Variants in PLCXD3 observed in about 807,000 individuals in gnomAD.
The protein encoded by PLCXD3 is phosphatidylinositol specific phospholipase C X domain containing 3.
PLCXD3 carries 19 observed loss-of-function variants against 25.5 expected under a neutral mutation model. The ratio of observed to expected loss-of-function variants is 0.75; its 90% CI spans 0.52 to 1.09. PLCXD3 has a LOEUF of 1.09. PLCXD3 is among the 50% of genes least tolerant of loss of function. PLCXD3 has a pLI of 0.00. For synonymous variants in PLCXD3, 174 were observed against 137.6 expected, an observed-to-expected ratio of 1.26 and a Z score of -1.85; for missense variants, 411 against 388.1, an observed-to-expected ratio of 1.06 and a Z score of -0.50.
rs1327409932 is a variant in PLCXD3 at position 41,398,016 on chromosome 5, T to A, written c.104-15482A>T. 2.0e-5 allele frequency among the ~76,000 whole-genome samples: 3 copies of A among 152,224 alleles called. No individual in the cohort carries two copies. In the East Asian group the frequency reaches 5.8e-4, roughly 29 times the overall value. On this transcript the variant is annotated intron_variant, in intron 1 of 2. Coordinates refer to ENST00000377801, the MANE Select transcript of PLCXD3 (RefSeq NM_001005473.3). ...TCATTGATGGAAGGGATTTACCTTG[T>A]CTCAGATGTGACTTTGGACTTGGAC...
At chr5:41,422,300 T>C (rs1746847743) in intron 1 of PLCXD3, among the ~76,000 whole-genome samples, 1 of 152,178 alleles carries the variant, frequency 6.6e-6, no homozygotes, top group African/African-American at 2.4e-5. Context: ...TGAAATCTCC[T>C]TGAGGAGCAT....
chr5:41,462,356 A>G (rs76981992), intron 1 of PLCXD3, among the ~76,000 whole-genome samples: 1,699 of 152,146 alleles, frequency 0.011, 28 homozygotes, highest in African/African-American at 0.038. Flanking sequence ...GTTTAAACGT[A>G]TTTGCAACAC....
At position 41,411,679 on chromosome 5, in the gene PLCXD3, A is replaced by G. The variant is rs542743107; in HGVS notation, c.104-29145T>C. Among the ~76,000 whole-genome samples the G allele has an allele frequency of 5.3e-5, 8 of 151,960 alleles. No homozygotes were observed. The South Asian group carries it at 1.7e-3, about 32-fold the overall frequency. ...TGATATTTGGTCTTATAAATCTTAC[A>G]TGGCATGCAAACATTCCCAAACTCC... On this transcript the variant is annotated intron_variant, in intron 1 of 2. Transcript: ENST00000377801.
intron 2 of PLCXD3, among the ~76,000 whole-genome samples, chr5:41,363,519 T>C (rs1744848452): frequency 6.6e-6 from 1 of 152,222 alleles, no homozygotes; most frequent in Admixed American, 6.5e-5. Flanking sequence ...TTCAGAATTA[T>C]TACCCATGGA....
At chr5:41,504,548 G>T (rs1580407036) in intron 1 of PLCXD3, among the ~76,000 whole-genome samples, 1 of 152,184 alleles carries the variant, frequency 6.6e-6, no homozygotes, top group African/African-American at 2.4e-5. Flanking sequence ...TCCACAATGG[G>T]TGACCAAGCT....
intron 1 of PLCXD3, among the ~76,000 whole-genome samples, chr5:41,488,034 A>G (rs1249618339): frequency 6.7e-6 from 1 of 148,726 alleles, no homozygotes; most frequent in Non-Finnish European, 1.5e-5. Flanking sequence ...GTCATTTAGC[A>G]TTAGGTATAT....
At chr5:41,392,586 G>T (rs763810148) in intron 1 of PLCXD3, among the ~76,000 whole-genome samples, 1 of 152,052 alleles carries the variant, frequency 6.6e-6, no homozygotes, top group Non-Finnish European at 1.5e-5. Flanking sequence ...TCCCAAAAAA[G>T]ATAGCTACAA....
chr5:41,447,286 G>T (rs896109326), intron 1 of PLCXD3, among the ~76,000 whole-genome samples: 1 of 151,816 alleles, frequency 6.6e-6, no homozygotes, highest in African/African-American at 2.4e-5. Context: ...TGTTAGCCAG[G>T]GTAAAAGACT....
chr5:41,381,892 A>C lies in PLCXD3; in HGVS notation c.746T>G (p.Leu249Arg). Residue 249 changes from leucine to arginine, a missense_variant, in exon 2 of 3, where the codon CTG (leucine) becomes CGG (arginine). Physicochemically the swap from Leu to Arg is moderately radical, Grantham distance 102 (BLOSUM62 -2). Coordinates refer to ENST00000377801, the MANE Select transcript of PLCXD3 (RefSeq NM_001005473.3). ...KGSFFISQVV[L>R]TPKASTVVKG... ...GACCACAGTGCTAGCTTTGGGGGTCAGCACCACCTGAGATATAAAAAACGA... is the reference window on the plus strand; with the variant it reads ...GACCACAGTGCTAGCTTTGGGGGTCCGCACCACCTGAGATATAAAAAACGA... 1 of 1,613,264 alleles carries C rather than the reference A, an allele frequency of 6.2e-7. No homozygotes were observed. The highest frequency in any genetic ancestry group is 1.1e-5 in the South Asian group (1 of 91,032).
chr5:41,388,928 A>G (rs996468747), intron 1 of PLCXD3, among the ~76,000 whole-genome samples: 2 of 151,460 alleles, frequency 1.3e-5, no homozygotes, highest in Non-Finnish European at 2.9e-5. Flanking sequence ...CATATATTTT[A>G]TATTTCATTA....
At chr5:41,437,975 G>T (rs75633478) in intron 1 of PLCXD3, among the ~76,000 whole-genome samples, 1,853 of 152,262 alleles carry the variant, frequency 0.012, 7 homozygotes, top group Non-Finnish European at 0.02. Context: ...GCCCCTCTTG[G>T]AGCCATGTGT....
intron 1 of PLCXD3, among the ~76,000 whole-genome samples, chr5:41,417,533 G>A (rs1228696889): frequency 2.0e-5 from 3 of 152,246 alleles, no homozygotes; most frequent in African/African-American, 7.2e-5. Flanking sequence ...ATCAGTAGAA[G>A]CAGGACAATC....
chr5:41,436,049 TGAAAGA>T (rs1420546215), intron 1 of PLCXD3, among the ~76,000 whole-genome samples: 1 of 152,078 alleles, frequency 6.6e-6, no homozygotes, highest in Non-Finnish European at 1.5e-5. Flanking sequence ...GGACAAATAT[TGAAAGA>T]GAAGTTGGAA....
At chr5:41,332,520 G>A (rs1481682237) in intron 2 of PLCXD3, among the ~76,000 whole-genome samples, 1 of 152,200 alleles carries the variant, frequency 6.6e-6, no homozygotes, top group Non-Finnish European at 1.5e-5. Context: ...TTCACCCCTT[G>A]TGAAAGTCAG....
At chr5:41,385,379 T>G (rs1355430242) in intron 1 of PLCXD3, among the ~76,000 whole-genome samples, 1 of 152,144 alleles carries the variant, frequency 6.6e-6, no homozygotes, top group Non-Finnish European at 1.5e-5. Context: ...GTTTCTCATC[T>G]TTAGTTTCCA....
intron 2 of PLCXD3, among the ~76,000 whole-genome samples, chr5:41,319,002 T>A (rs1743381532): frequency 6.6e-6 from 1 of 152,064 alleles, no homozygotes; most frequent in African/African-American, 2.4e-5. Flanking sequence ...AAACAAAAAC[T>A]GTAAGATGAG....
intron 2 of PLCXD3, among the ~76,000 whole-genome samples, chr5:41,364,685 A>T (rs1580326492): frequency 6.6e-6 from 1 of 152,168 alleles, no homozygotes. Context: ...GTCCTTTCTC[A>T]TTACAAAATT....
At chr5:41,492,679 A>G (rs550892450) in intron 1 of PLCXD3, among the ~76,000 whole-genome samples, 1 of 151,554 alleles carries the variant, frequency 6.6e-6, no homozygotes, top group Non-Finnish European at 1.5e-5. Flanking sequence ...GCTTCATTTC[A>G]TTCATCTTCC....
intron 1 of PLCXD3, among the ~76,000 whole-genome samples, chr5:41,395,986 C>A (rs1745991046): frequency 7.0e-6 from 1 of 142,416 alleles, no homozygotes; most frequent in African/African-American, 2.7e-5. Context: ...TAAAATCAGA[C>A]AAAGGCCCAT....
Sources: allele counts gnomAD v4.1 joint callset (sites outside exome capture counted in the v4.1 genomes callset), GRCh38; gene constraint gnomAD v4.1.1; transcripts MANE v1.5; gene names NCBI Gene and HGNC (gene_info 2026-07-23, HGNC 2026-07-21).